CD99: variants seen among roughly 807,000 people sequenced by gnomAD.
CD99 encodes CD99 molecule (Xg blood group).
In CD99, 19 loss-of-function variants were observed where a neutral mutation model predicts 28.4. The ratio of observed to expected loss-of-function variants is 0.67; its 90% CI spans 0.47 to 0.98. The LOEUF is 0.98. Ranked by LOEUF, CD99 falls within the 50% of genes least tolerant of loss-of-function variation. CD99 has a pLI of 0.00. For synonymous variants in CD99, 103 were observed against 92.1 expected (o/e 1.12, Z -0.67); for missense variants, 283 against 248.8 (o/e 1.14, Z -0.92).
intron 1 of CD99, among the ~76,000 whole-genome samples, chrX:2,705,376 CTATT>C (rs2048067032): frequency 6.6e-6 from 1 of 152,190 alleles, no homozygotes; most frequent in Admixed American, 6.5e-5. Flanking sequence ...ATTCCTGAAA[CTATT>C]TATGACACTA....
At chrX:2,714,331 A>G (rs1271999995) in intron 1 of CD99, 91 bp from the exon 2 acceptor site, 1 of 1,083,718 alleles carries the variant, frequency 9.2e-7, no homozygotes, top group Non-Finnish European at 1.3e-6. Context: ...ATATCACAAA[A>G]AGAAAAATCG....
At chrX:2,716,239 G>A (rs1273915798) in intron 2 of CD99, among the ~76,000 whole-genome samples, 2 of 152,056 alleles carry the variant, frequency 1.3e-5, no homozygotes, top group African/African-American at 2.4e-5. Flanking sequence ...GGCTGGTTTC[G>A]AACTCCTGAC....
chrX:2,734,631 T>C (rs972789782), intron 8 of CD99, among the ~76,000 whole-genome samples: 1 of 151,142 alleles, frequency 6.6e-6, no homozygotes, highest in Non-Finnish European at 1.5e-5. Context: ...TTTTTTTTTT[T>C]CTCTTATTTC....
intron 1 of CD99, among the ~76,000 whole-genome samples, chrX:2,701,333 T>C (rs1472148104): frequency 6.6e-6 from 1 of 151,464 alleles, no homozygotes; most frequent in Non-Finnish European, 1.5e-5. Flanking sequence ...CCAGCATAGG[T>C]TGAAGTTAAA....
intron 1 of CD99, among the ~76,000 whole-genome samples, chrX:2,707,425 A>G (rs1347163922): frequency 3.9e-5 from 6 of 152,192 alleles, no homozygotes; most frequent in African/African-American, 1.2e-4. Flanking sequence ...TTCCTGCATT[A>G]GTGCAAGCCT....
intron 1 of CD99, among the ~76,000 whole-genome samples, chrX:2,699,718 AAGTCTTGGGTTTATAGGC>A (rs2047756272): frequency 6.6e-6 from 1 of 152,060 alleles, no homozygotes; most frequent in African/African-American, 2.4e-5. Flanking sequence ...TGGCCTGGCA[AAGTCTTGGGTTTATAGGC>A]GGGAGCCACT....
At chrX:2,703,189 A>G (rs1246901126) in intron 1 of CD99, among the ~76,000 whole-genome samples, 4 of 152,146 alleles carry the variant, frequency 2.6e-5, no homozygotes, top group African/African-American at 9.7e-5. Flanking sequence ...GTTCTTTGCA[A>G]GGTCTATTTG....
intron 2 of CD99, among the ~76,000 whole-genome samples, chrX:2,716,629 C>T (rs1053266085): frequency 1.3e-5 from 2 of 152,182 alleles, no homozygotes; most frequent in African/African-American, 2.4e-5. Flanking sequence ...AGTGCTGAGG[C>T]GTGAGAGGAT....
intron 1 of CD99, among the ~76,000 whole-genome samples, chrX:2,706,550 G>A (rs1440843611): frequency 6.6e-6 from 1 of 152,090 alleles, no homozygotes; most frequent in African/African-American, 2.4e-5. Flanking sequence ...GATGAGTACT[G>A]GAGTGGCCAG....
intron 8 of CD99, among the ~76,000 whole-genome samples, chrX:2,735,382 C>T (rs189274164): frequency 1.3e-5 from 2 of 152,252 alleles, no homozygotes; most frequent in East Asian, 3.9e-4. Context: ...TAAGTTTTGA[C>T]AGGAAGGGTA....
At chrX:2,729,929 G>A (rs1456642881) in intron 8 of CD99, among the ~76,000 whole-genome samples, 2 of 152,132 alleles carry the variant, frequency 1.3e-5, no homozygotes, top group African/African-American at 4.8e-5. Flanking sequence ...AAGGAAAGAG[G>A]ATTGCTTGAG....
At chrX:2,700,763 C>T (rs2047814831) in intron 1 of CD99, among the ~76,000 whole-genome samples, 1 of 151,906 alleles carries the variant, frequency 6.6e-6, no homozygotes, top group Admixed American at 6.6e-5. Flanking sequence ...TTCACCCATC[C>T]TTTCATCAAT....
intron 9 of CD99, among the ~76,000 whole-genome samples, chrX:2,738,469 A>G (rs1158072088): frequency 6.6e-6 from 1 of 152,190 alleles, no homozygotes; most frequent in African/African-American, 2.4e-5. Context: ...GAGAAGACCT[A>G]TATGTGCCTA....
rs188016181 is a variant in CD99, at chrX:2,726,307, G to A, written c.409G>A (p.Ala137Thr). The A allele has an allele frequency of 3.0e-5, 48 of 1,612,050 alleles. No homozygotes were observed. Among genetic ancestry groups the A allele is most frequent in the Middle Eastern group, 2.1e-4 (1 of 4,690 alleles). ...CGGGATTGTGGGGGCTGTCGTGGTC[G>A]CCGTGGCTGGAGCCATCTCTAGCTT... ...IPGIVGAVVV[A>T]VAGAISSFIA... Residue 137 changes from alanine to threonine, a missense_variant, in exon 8 of 10, where the codon GCC (alanine) becomes ACC (threonine). Ala to Thr is a moderately conservative substitution (Grantham distance 58, BLOSUM62 0). Transcript: ENST00000381192.
At chrX:2,731,221 C>A (rs2049586654) in intron 8 of CD99, among the ~76,000 whole-genome samples, 1 of 152,254 alleles carries the variant, frequency 6.6e-6, no homozygotes, top group East Asian at 1.9e-4. Flanking sequence ...ATTTTGAGAT[C>A]TGGCAACCCC....
intron 5 of CD99, among the ~76,000 whole-genome samples, chrX:2,721,230 A>T (rs1421716834): frequency 6.6e-6 from 1 of 151,906 alleles, no homozygotes; most frequent in East Asian, 1.9e-4. Context: ...AATATTAATG[A>T]TGTCCATATC....
intron 1 of CD99, chrX:2,692,229 A>G (rs1028904014): frequency 5.1e-6 from 2 of 389,286 alleles, no homozygotes; most frequent in Non-Finnish European, 9.3e-6. Flanking sequence ...GTGGTATGTT[A>G]TAAATTCTTT....
intron 5 of CD99, among the ~76,000 whole-genome samples, 196 bp downstream of exon 5, chrX:2,720,620 C>CTTTTT (rs71281938): frequency 5.5e-4 from 46 of 83,930 alleles, no homozygotes; most frequent in East Asian, 1.1e-3. Context: ...TTTTAGTTTG[C>CTTTTT]TTTTTTTTTT....
At chrX:2,725,290 C>T (rs1253840647) in intron 7 of CD99, among the ~76,000 whole-genome samples, 1 of 151,574 alleles carries the variant, frequency 6.6e-6, no homozygotes, top group African/African-American at 2.4e-5. Context: ...CCCAGCTACT[C>T]GGAAGGCTGA....
Sources: gnomAD v4.1 joint callset for allele counts (sites outside exome capture counted in the v4.1 genomes callset) on GRCh38, gnomAD v4.1.1 for gene constraint, MANE v1.5 for transcripts, NCBI Gene and HGNC (gene_info 2026-07-23, HGNC 2026-07-21) for gene names.